PHKG1: variants seen among roughly 807,000 people sequenced by gnomAD.
PHKG1 encodes phosphorylase kinase catalytic subunit gamma 1, also known as phosphorylase b kinase gamma catalytic chain, skeletal muscle/heart isoform.
A neutral mutation model predicts 50.5 loss-of-function variants in PHKG1; 48 were observed. That is an observed-to-expected ratio of 0.95 (90% CI 0.75 to 1.21). The LOEUF (loss-of-function observed/expected upper bound fraction) is 1.21. PHKG1 is among the 50% of genes most tolerant of loss of function. PHKG1 has a pLI of 0.00. For synonymous variants in PHKG1, 204 were observed against 212.8 expected, an observed-to-expected ratio of 0.96 and a Z score of 0.36; for missense variants, 487 against 519.5, an observed-to-expected ratio of 0.94 and a Z score of 0.61.
chr7:56,087,086 G>A lies in PHKG1; in HGVS notation c.263-62C>T, dbSNP rs895860939. ...GGGAGCCCAGGCAGGGGCAGCCGGG[G>A]CACGGGGGTCAGGGACCGAGGCTGC... On this transcript the variant is annotated intron_variant, in intron 3 of 9. Coordinates refer to ENST00000297373, the MANE Select transcript of PHKG1 (RefSeq NM_006213.5). The A allele has an allele frequency of 3.8e-5, 50 of 1,318,956 alleles. No homozygotes were observed. The South Asian group carries it at 4.3e-4, about 11-fold the overall frequency. 81.7% of individuals were successfully genotyped at this position (1,318,956 alleles called of 1,614,324 possible). A position where few individuals can be genotyped will look rare whatever the true frequency, so the allele number is the denominator to read the frequency against.
chr7:56,092,330 T>C (rs1307120848), intron 1 of PHKG1, among the ~76,000 whole-genome samples: 2 of 152,180 alleles, frequency 1.3e-5, no homozygotes, highest in Non-Finnish European at 2.9e-5. Flanking sequence ...TGGAGTGCAG[T>C]GGTGAGATCT....
At chr7:56,089,037 T>A in intron 1 of PHKG1, 62 bp from the exon 2 acceptor site, 2 of 756,688 alleles carry the variant, frequency 2.6e-6, no homozygotes, top group Non-Finnish European at 4.6e-6. Context: ...CTCCTTGGGG[T>A]CTGGAACTGT....
At position 56,081,786 on chromosome 7, in the gene PHKG1, G is replaced by A. The variant is rs1796009048; in HGVS notation, c.793-31C>T. 2 of 1,609,804 alleles carry A rather than the reference G, an allele frequency of 1.2e-6. No homozygotes were observed. The highest frequency in any genetic ancestry group is 1.7e-6 in the Non-Finnish European group (2 of 1,176,908). ...AGAGGAGGAGAGGGGAACCGAGAAT[G>A]TCAAGGCAGGTCCCCTCCAGCATGT... On this transcript the variant is annotated intron_variant, in intron 8 of 9. Coordinates refer to ENST00000297373, the MANE Select transcript of PHKG1 (RefSeq NM_006213.5). This position sits in a 1 kb window ranked among gnomAD's most constrained non-coding sequence, Gnocchi z 4.6.
chr7:56,083,615 G>A, intron 5 of PHKG1, 35 bp downstream of exon 5: 3 of 1,553,806 alleles, frequency 1.9e-6, no homozygotes, highest in Non-Finnish European at 1.8e-6. Context: ...AAGCCACGTG[G>A]GAGGGAGCGG....
intron 4 of PHKG1, among the ~76,000 whole-genome samples, chr7:56,084,610 G>A (rs1351001708): frequency 6.6e-6 from 1 of 151,770 alleles, no homozygotes; most frequent in Non-Finnish European, 1.5e-5. Context: ...CTGACCTCAG[G>A]TGATCACCCG....
At position 56,087,598 on chromosome 7, in the gene PHKG1, TG is replaced by T; in HGVS notation, c.261del (p.Ile88TyrfsTer3). On this transcript the variant is annotated frameshift_variant and splice_region_variant, in exon 3 of 10. Coordinates refer to ENST00000297373, the MANE Select transcript of PHKG1 (RefSeq NM_006213.5). LOFTEE classifies it high-confidence loss of function. Reference protein sequence around the residue: ...ILRKVSGHPNIIQLKDTYETN... With the variant: ...ILRKVSGHPNXIQLKDTYETN... The stretch of plus-strand genomic sequence containing the variant: ...CGTGTGGCTTGGGGCCATCACTCAC[TG>T]ATGTTGGGGTGCCCTGAGACCTTGC... The T allele has an allele frequency of 6.2e-7, 1 of 1,612,232 alleles. No individual in the cohort carries two copies. The highest frequency in any genetic ancestry group is 8.5e-7 in the Non-Finnish European group (1 of 1,178,884).
intron 4 of PHKG1, among the ~76,000 whole-genome samples, chr7:56,084,664 C>T (rs1046775285): frequency 1.7e-4 from 26 of 151,738 alleles, no homozygotes; most frequent in Admixed American, 1.5e-3. Flanking sequence ...TGAGCCACCA[C>T]GCCTGGCCGA....
intron 3 of PHKG1, among the ~76,000 whole-genome samples, chr7:56,087,351 G>T (rs1008682184): frequency 1.3e-5 from 2 of 151,864 alleles, no homozygotes; most frequent in African/African-American, 4.8e-5. Flanking sequence ...CCTCCCGAGT[G>T]GCTGGGATTA....
intron 4 of PHKG1, among the ~76,000 whole-genome samples, 186 bp from the exon 5 acceptor site, chr7:56,083,901 G>A (rs1399693637): frequency 1.3e-5 from 2 of 152,182 alleles, no homozygotes; most frequent in Non-Finnish European, 2.9e-5. Context: ...TGGGAGAAAA[G>A]CAGAGGAGGC....
intron 2 of PHKG1, 179 bp downstream of exon 2, chr7:56,088,680 G>A (rs192684230): frequency 1.9e-6 from 1 of 521,146 alleles, no homozygotes; most frequent in African/African-American, 1.9e-5. Flanking sequence ...GCTGGGAGAG[G>A]TTTCTCTTAT....
chr7:56,082,307 TC>T, intron 6 of PHKG1, 54 bp from the exon 7 acceptor site: 1 of 1,434,436 alleles, frequency 7.0e-7, no homozygotes, highest in Non-Finnish European at 9.7e-7. Flanking sequence ...GAAGAGGAAG[TC>T]CAGGCTGGCC....
intron 6 of PHKG1, 145 bp from the exon 7 acceptor site, chr7:56,082,398 G>T: frequency 1.6e-6 from 1 of 606,254 alleles, no homozygotes; most frequent in Non-Finnish European, 2.9e-6. Context: ...TTCGAGACCA[G>T]CCTGGCCAAC....
chr7:56,084,738 A>T (rs7783339), intron 4 of PHKG1, among the ~76,000 whole-genome samples: 68,264 of 151,806 alleles, frequency 0.45, 16,036 homozygotes, highest in East Asian at 0.66. Context: ...TGCAGGAGCA[A>T]AGTTTGCCAA....
In PHKG1 at chr7:56,081,830, C is replaced by T; in HGVS notation, c.792+63G>A. 6.2e-7 allele frequency: 1 copy of T among 1,609,050 alleles called. No homozygotes were observed. The highest frequency in any genetic ancestry group is 1.7e-5 in the Admixed American group (1 of 59,580). ...AGCATGTCAGGAAAGGCAGGGCCTC[C>T]CCGGGCAGGGGCGCCTGGCATCGCA... On this transcript the variant is annotated intron_variant, in intron 8 of 9. Transcript: ENST00000297373. The surrounding 1 kb of genome is among the most constrained non-coding windows in gnomAD (Gnocchi z 4.6).
chr7:56,087,826 G>A (rs72499804), intron 2 of PHKG1, 50 bp from the exon 3 acceptor site: 66,786 of 1,500,218 alleles, frequency 0.045, 1,995 homozygotes, highest in Admixed American at 0.13. Context: ...ACCCCATGGG[G>A]GGTCCCAGAT....
At chr7:56,084,912 C>T (rs1332935330) in intron 4 of PHKG1, among the ~76,000 whole-genome samples, 1 of 152,120 alleles carries the variant, frequency 6.6e-6, no homozygotes, top group African/African-American at 2.4e-5. Context: ...TGAGCTGTCC[C>T]CAAGGGCTAT....
At chr7:56,084,152 G>C in intron 4 of PHKG1, 1 of 1,520,380 alleles carries the variant, frequency 6.6e-7, no homozygotes, top group Non-Finnish European at 8.8e-7. Flanking sequence ...GCAGTACCTT[G>C]CCCTGCCCTG....
Position 56,087,037 on chromosome 7 carries a change from T to C in PHKG1, c.263-13A>G, listed in dbSNP as rs776492837. Reference sequence around the variant, plus strand: ...TCCTTCAGCTGTACTGAAATGGAAATGGCTAGCTTGTCTCAAGTAGCAGGG... The same window carrying C: ...TCCTTCAGCTGTACTGAAATGGAAACGGCTAGCTTGTCTCAAGTAGCAGGG... On this transcript the variant is annotated splice_polypyrimidine_tract_variant and intron_variant, in intron 3 of 9. Coordinates refer to ENST00000297373, the MANE Select transcript of PHKG1 (RefSeq NM_006213.5). 1.4e-5 allele frequency: 22 copies of C among 1,610,854 alleles called. No homozygotes were observed. Among genetic ancestry groups the C allele is most frequent in the Non-Finnish European group, 1.7e-5 (20 of 1,177,828 alleles).
At chr7:56,087,136 AG>A in intron 3 of PHKG1, 112 bp from the exon 4 acceptor site, 1 of 787,904 alleles carries the variant, frequency 1.3e-6, no homozygotes, top group South Asian at 1.4e-5. Context: ...AAAAGCTGAC[AG>A]GGGAATCAGG....
Sources: gnomAD v4.1 joint callset for allele counts (sites outside exome capture counted in the v4.1 genomes callset) on GRCh38, gnomAD v4.1.1 for gene constraint, Gnocchi (gnomAD v3.1) non-coding constraint, MANE v1.5 for transcripts, NCBI Gene and HGNC (gene_info 2026-07-23, HGNC 2026-07-21) for gene names.